The following DRC8 variants were observed in gnomAD, a reference collection of about 807,000 sequenced individuals.
DRC8 encodes dynein regulatory complex subunit 8, also known as dynein regulatory complex protein 8.
the DRC8 span, among the ~76,000 whole-genome samples, chr1:245,008,670 CTTTTTTTTT>C: frequency 7.2e-6 from 1 of 139,340 alleles, no homozygotes; most frequent in South Asian, 2.3e-4. Context: ...TGTTCTCACA[CTTTTTTTTT>C]TTTTTTTTTA....
At chr1:245,057,718 C>G in the DRC8 span, among the ~76,000 whole-genome samples, 2 of 151,902 alleles carry the variant, frequency 1.3e-5, no homozygotes, top group African/African-American at 4.8e-5. Context: ...ATTTTGATAC[C>G]TGCATACAAT....
chr1:245,119,721 C>G, the DRC8 span, among the ~76,000 whole-genome samples: 1 of 151,736 alleles, frequency 6.6e-6, no homozygotes, highest in Admixed American at 6.6e-5. Context: ...ATCACAAGGT[C>G]AGGAGATCAA....
chr1:245,030,979 G>C, the DRC8 span: 1 of 152,330 alleles, frequency 6.6e-6, no homozygotes, highest in Non-Finnish European at 1.5e-5. Flanking sequence ...TCAAGTATCT[G>C]TGCCTAGGGA....
the DRC8 span, among the ~76,000 whole-genome samples, chr1:245,067,195 C>T: frequency 6.6e-6 from 1 of 151,986 alleles, no homozygotes; most frequent in Non-Finnish European, 1.5e-5. Context: ...GGCATGATCT[C>T]GGCTCACTGC....
the DRC8 span, among the ~76,000 whole-genome samples, chr1:245,082,708 T>G: frequency 6.6e-6 from 1 of 152,024 alleles, no homozygotes; most frequent in African/African-American, 2.4e-5. Flanking sequence ...TTTATTTTAT[T>G]TTATTTTATT....
the DRC8 span, among the ~76,000 whole-genome samples, chr1:244,973,471 TAATC>T: frequency 1.3e-5 from 2 of 152,346 alleles, no homozygotes; most frequent in African/African-American, 4.8e-5. Context: ...ACATTTGAAT[TAATC>T]AAAGACAGCT....
chr1:245,083,311 C>A, the DRC8 span: 1 of 787,888 alleles, frequency 1.3e-6, no homozygotes, highest in South Asian at 1.6e-5. Context: ...CCCTCCCCTC[C>A]CCTGGTCTGT....
chr1:245,057,671 A>G, the DRC8 span, among the ~76,000 whole-genome samples: 1 of 150,330 alleles, frequency 6.7e-6, no homozygotes, highest in Non-Finnish European at 1.5e-5. Context: ...AAAAGTCGAT[A>G]TATCATGGTT....
At chr1:245,006,719 A>G in the DRC8 span, among the ~76,000 whole-genome samples, 2 of 152,128 alleles carry the variant, frequency 1.3e-5, no homozygotes, top group East Asian at 3.9e-4. Flanking sequence ...GGATTGCTTG[A>G]GCTCAGAAGT....
chr1:245,039,795 T>G, the DRC8 span, among the ~76,000 whole-genome samples: 46 of 152,284 alleles, frequency 3.0e-4, no homozygotes, highest in Admixed American at 2.2e-3. Context: ...TATTTTCCTG[T>G]GATTAGATTG....
At chr1:245,105,633 A>AAC in the DRC8 span, among the ~76,000 whole-genome samples, 43 of 144,144 alleles carry the variant, frequency 3.0e-4, no homozygotes, top group African/African-American at 1.2e-3. Context: ...AAAAAAAAAA[A>AAC]AAAAACAAAA....
the DRC8 span, among the ~76,000 whole-genome samples, chr1:245,060,189 G>A: frequency 6.6e-6 from 1 of 152,152 alleles, no homozygotes; most frequent in African/African-American, 2.4e-5. Flanking sequence ...TCTTTATTTT[G>A]CACCTAGCGC....
At chr1:244,991,574 C>T in the DRC8 span, among the ~76,000 whole-genome samples, 10 of 152,144 alleles carry the variant, frequency 6.6e-5, no homozygotes, top group African/African-American at 2.4e-4. Flanking sequence ...AACTTGTTTA[C>T]TATGGTCCAG....
the DRC8 span, among the ~76,000 whole-genome samples, chr1:245,034,826 GA>G: frequency 6.7e-5 from 10 of 148,870 alleles, no homozygotes; most frequent in Non-Finnish European, 1.3e-4. Context: ...ATGGGGTTGG[GA>G]AACAGTGTAA....
chr1:245,115,014 G>A, the DRC8 span, among the ~76,000 whole-genome samples: 1 of 147,600 alleles, frequency 6.8e-6, no homozygotes, highest in East Asian at 2.1e-4. Context: ...GTGAGCCACC[G>A]TCCCCAGCTG....
the DRC8 span, among the ~76,000 whole-genome samples, chr1:245,046,867 C>G: frequency 5.5e-3 from 839 of 152,292 alleles, 12 homozygotes; most frequent in African/African-American, 0.018. Context: ...ATTGCCTTTA[C>G]TGGGCAACTA....
chr1:245,042,799 T>G, the DRC8 span, among the ~76,000 whole-genome samples: 1 of 152,322 alleles, frequency 6.6e-6, no homozygotes, highest in Non-Finnish European at 1.5e-5. Flanking sequence ...TTTTTGACCT[T>G]AGGCTGCCCT....
chr1:244,969,841 T>C, the DRC8 span: 1 of 388,716 alleles, frequency 2.6e-6, no homozygotes, highest in Non-Finnish European at 4.6e-6. Flanking sequence ...GGCGCGGCCG[T>C]TCTGCAGCAG....
chr1:244,970,659 TCTCTCCC>T, the DRC8 span: 30 of 35,362 alleles, frequency 8.5e-4, no homozygotes, highest in East Asian at 0.18. Flanking sequence ...CCGCCCCGCC[TCTCTCCC>T]CCGCCCCGCC....
Sources: allele counts gnomAD v4.1 joint callset (sites outside exome capture counted in the v4.1 genomes callset), GRCh38; gene constraint gnomAD v4.1.1; transcripts MANE v1.5; gene names NCBI Gene and HGNC (gene_info 2026-07-23, HGNC 2026-07-21).